The following ASIC2 variants were observed in gnomAD, a reference collection of about 807,000 sequenced individuals.
The protein encoded by ASIC2 is acid sensing ion channel subunit 2.
Under a neutral mutation model 57.3 loss-of-function variants are expected in ASIC2, and 25 were observed. The ratio of observed to expected loss-of-function variants is 0.44; its 90% CI spans 0.32 to 0.61. ASIC2 has a LOEUF of 0.61. ASIC2 is among the 20% of genes least tolerant of loss of function. ASIC2 has a pLI of 0.06. For synonymous variants in ASIC2, 319 were observed against 307.5 expected (o/e 1.04, Z -0.39); for missense variants, 641 against 738.1 (o/e 0.87, Z 1.52).
At chr17:33,552,842 T>C (rs564389789) in intron 1 of ASIC2, among the ~76,000 whole-genome samples, 2 of 152,216 alleles carry the variant, frequency 1.3e-5, no homozygotes, top group African/African-American at 4.8e-5. Context: ...ATTCTGTTAG[T>C]GCAATGGGCA....
At chr17:33,239,245 C>G (rs894421516) in intron 1 of ASIC2, among the ~76,000 whole-genome samples, 1 of 151,734 alleles carries the variant, frequency 6.6e-6, no homozygotes, top group Non-Finnish European at 1.5e-5. Context: ...CAGCCAAGAT[C>G]GCACCACTGC....
rs142962405 is a variant in ASIC2 at position 33,498,057 on chromosome 17, A to G, written c.556-385990T>C. ...AGCATGATACCGAGGGAGATGAAGAAGGATGTGTGCTGTGTCTTTTGTCCA... is the reference window on the plus strand; with the variant it reads ...AGCATGATACCGAGGGAGATGAAGAGGGATGTGTGCTGTGTCTTTTGTCCA... On this transcript the variant is annotated intron_variant, in intron 1 of 9. Coordinates refer to the ASIC2 transcript ENST00000359872. Among the ~76,000 whole-genome samples the G allele has an allele frequency of 7.0e-4, 106 of 152,358 alleles. No individual in the cohort carries two copies. In the East Asian group the frequency reaches 0.014, roughly 21 times the overall value.
intron 1 of ASIC2, among the ~76,000 whole-genome samples, chr17:33,130,755 C>T (rs111734659): frequency 2.9e-4 from 44 of 152,254 alleles, no homozygotes; most frequent in African/African-American, 8.2e-4. Flanking sequence ...AACTGGAGCC[C>T]GAGCTCCTCA....
chr17:33,664,057 C>A (rs1024632724), intron 1 of ASIC2, among the ~76,000 whole-genome samples: 2 of 152,140 alleles, frequency 1.3e-5, no homozygotes, highest in Non-Finnish European at 2.9e-5. Context: ...CTATAAAATT[C>A]TCCATGTCTA....
intron 1 of ASIC2, among the ~76,000 whole-genome samples, chr17:33,994,439 A>G (rs139091246): frequency 6.6e-6 from 1 of 152,260 alleles, no homozygotes; most frequent in African/African-American, 2.4e-5. Flanking sequence ...GGGCCAGATG[A>G]ATTTCCTGAC....
At chr17:34,133,935 C>T (rs1912062227) in intron 1 of ASIC2, among the ~76,000 whole-genome samples, 1 of 152,174 alleles carries the variant, frequency 6.6e-6, no homozygotes, top group African/African-American at 2.4e-5. Flanking sequence ...CAGGACACTA[C>T]AGTTTGTCCA....
intron 3 of ASIC2, among the ~76,000 whole-genome samples, chr17:33,050,894 A>G (rs1045133888): frequency 2.0e-5 from 3 of 152,118 alleles, no homozygotes; most frequent in Non-Finnish European, 2.9e-5. Context: ...TAGATTAGGT[A>G]TGAGGTAGGT....
intron 1 of ASIC2, among the ~76,000 whole-genome samples, chr17:34,103,248 C>A (rs1910931012): frequency 6.6e-6 from 1 of 152,118 alleles, no homozygotes; most frequent in Non-Finnish European, 1.5e-5. Flanking sequence ...CAGGCTTGAG[C>A]CACGCTCCCA....
chr17:33,541,347 G>T (rs1430560746), intron 1 of ASIC2: 1 of 152,126 alleles, frequency 6.6e-6, no homozygotes, highest in Non-Finnish European at 1.5e-5. Context: ...TCTGCAAAAC[G>T]GGAGATCAGA....
intron 1 of ASIC2, among the ~76,000 whole-genome samples, chr17:33,742,600 A>C (rs1175771602): frequency 6.6e-6 from 1 of 152,170 alleles, no homozygotes; most frequent in East Asian, 1.9e-4. Flanking sequence ...TGAATGGATA[A>C]ATTTACGGAA....
At chr17:33,752,612 T>C (rs1452153432) in intron 1 of ASIC2, among the ~76,000 whole-genome samples, 4 of 152,210 alleles carry the variant, frequency 2.6e-5, no homozygotes, top group Non-Finnish European at 4.4e-5. Flanking sequence ...TTCATGTCTT[T>C]TGGGGACTGG....
intron 1 of ASIC2, among the ~76,000 whole-genome samples, chr17:33,467,765 C>T (rs1912912769): frequency 6.6e-6 from 1 of 152,152 alleles, no homozygotes; most frequent in African/African-American, 2.4e-5. Flanking sequence ...AAGCAGATCC[C>T]CCACCTTCCA....
At chr17:33,407,156 C>A (rs551878145) in intron 1 of ASIC2, among the ~76,000 whole-genome samples, 4 of 152,180 alleles carry the variant, frequency 2.6e-5, no homozygotes, top group South Asian at 4.1e-4. Context: ...ATAGCAATAG[C>A]TGACATTTAT....
chr17:33,296,413 G>C (rs1905724381), upstream of ASIC2, among the ~76,000 whole-genome samples: 1 of 152,188 alleles, frequency 6.6e-6, no homozygotes, highest in African/African-American at 2.4e-5. Flanking sequence ...CTGTGGATTA[G>C]TGTTACCATC....
intron 1 of ASIC2, among the ~76,000 whole-genome samples, chr17:33,700,396 C>A (rs1908660050): frequency 6.6e-6 from 1 of 152,108 alleles, no homozygotes; most frequent in Non-Finnish European, 1.5e-5. Flanking sequence ...AGCTGGAATA[C>A]CCCTAGAGCT....
chr17:33,477,739 G>A (rs1913276839), intron 1 of ASIC2, among the ~76,000 whole-genome samples: 1 of 152,184 alleles, frequency 6.6e-6, no homozygotes, highest in Non-Finnish European at 1.5e-5. Context: ...GAGAAGCTCA[G>A]GCCATGGTGT....
intron 1 of ASIC2, among the ~76,000 whole-genome samples, chr17:33,714,789 T>A (rs1909159799): frequency 6.6e-6 from 1 of 150,450 alleles, no homozygotes; most frequent in Non-Finnish European, 1.5e-5. Flanking sequence ...ATTTGTTATA[T>A]TACGTGATTC....
At chr17:34,114,401 TGA>T (rs942440767) in intron 1 of ASIC2, among the ~76,000 whole-genome samples, 11 of 151,832 alleles carry the variant, frequency 7.2e-5, no homozygotes, top group African/African-American at 2.4e-4. Flanking sequence ...TCTGTGAGGG[TGA>T]GAGAGAGAGA....
intron 1 of ASIC2, among the ~76,000 whole-genome samples, chr17:34,031,151 C>T (rs1907594178): frequency 6.6e-6 from 1 of 152,186 alleles, no homozygotes; most frequent in Non-Finnish European, 1.5e-5. Context: ...CCGGGTACTC[C>T]TCTGAGACAA....
Sources: allele counts gnomAD v4.1 joint callset (sites outside exome capture counted in the v4.1 genomes callset), GRCh38; gene constraint gnomAD v4.1.1; transcripts MANE v1.5; gene names NCBI Gene and HGNC (gene_info 2026-07-23, HGNC 2026-07-21).